The following CDH23 variants were observed in gnomAD, a reference collection of about 807,000 sequenced individuals.
CDH23 encodes cadherin-23.
In CDH23, 189 loss-of-function variants were observed where a neutral mutation model predicts 317.1. The ratio of observed to expected loss-of-function variants is 0.60; its 90% confidence interval spans 0.53 to 0.67. The LOEUF (loss-of-function observed/expected upper bound fraction) is 0.67. CDH23 is among the 30% of genes least tolerant of loss of function. The pLI is 0.00. For synonymous variants in CDH23, 1,839 were observed against 1,876.8 expected (o/e 0.98, Z 0.52); for missense variants, 4,401 against 4,592.4 (o/e 0.96, Z 1.20).
At chr10:71,465,247 G>A (rs1315947613) in intron 3 of CDH23, among the ~76,000 whole-genome samples, 1 of 152,232 alleles carries the variant, frequency 6.6e-6, no homozygotes, top group Non-Finnish European at 1.5e-5. Context: ...GAAGTCTGTT[G>A]CACAGCGCTG....
intron 26 of CDH23, 57 bp downstream of exon 26, chr10:71,707,106 C>G: frequency 1.9e-6 from 3 of 1,566,170 alleles, no homozygotes; most frequent in Non-Finnish European, 2.6e-6. Flanking sequence ...GCCTCCACCC[C>G]TCCCAGATGG....
intron 8 of CDH23, 62 bp downstream of exon 8, chr10:71,570,980 C>T (rs556750057): frequency 2.6e-5 from 41 of 1,585,086 alleles, no homozygotes; most frequent in South Asian, 1.8e-4. Flanking sequence ...TTCTGAGCTC[C>T]TGTTAGGGAT....
chr10:71,730,430 C>T lies in CDH23; in HGVS notation c.3580-39C>T, dbSNP rs1267831080. The T allele has an allele frequency of 3.1e-6, 5 of 1,607,020 alleles. No homozygotes were observed. The Admixed American group carries it at 6.7e-5, about 22-fold the overall frequency. On this transcript the variant is annotated intron_variant, in intron 30 of 69. Coordinates refer to ENST00000224721, the MANE Select transcript of CDH23 (RefSeq NM_022124.6). ...CAAGCCCTGGGCTTCCCAGCCTCCA[C>T]CCCACCCTGACCTTGCACCCCTGGC...
intron 3 of CDH23, among the ~76,000 whole-genome samples, chr10:71,506,920 A>G (rs1433981570): frequency 6.6e-6 from 1 of 152,180 alleles, no homozygotes; most frequent in Non-Finnish European, 1.5e-5. Context: ...AAAGTCCGGG[A>G]AATTACAGGG....
chr10:71,794,734 G>A (rs1408798824), intron 48 of CDH23: 1 of 152,256 alleles, frequency 6.6e-6, no homozygotes, highest in East Asian at 1.9e-4. Context: ...ACTGCTGTAG[G>A]AGTTGTGACT....
At chr10:71,710,042 C>G (rs1473405698) in intron 27 of CDH23, among the ~76,000 whole-genome samples, 2 of 152,060 alleles carry the variant, frequency 1.3e-5, no homozygotes, top group East Asian at 3.9e-4. Flanking sequence ...GAGAAAATGC[C>G]CCCATGATTC....
At chr10:71,599,097 A>G (rs1443835733) in intron 9 of CDH23, among the ~76,000 whole-genome samples, 1 of 152,184 alleles carries the variant, frequency 6.6e-6, no homozygotes, top group Non-Finnish European at 1.5e-5. Context: ...CAAATGTGAA[A>G]TATTAAATAT....
chr10:71,612,138 C>G (rs1589261519), intron 9 of CDH23, among the ~76,000 whole-genome samples: 1 of 152,136 alleles, frequency 6.6e-6, no homozygotes, highest in Non-Finnish European at 1.5e-5. Flanking sequence ...AGGTATAGCT[C>G]TTTCTGGCTG....
intron 6 of CDH23, among the ~76,000 whole-genome samples, chr10:71,528,440 G>A (rs527569729): frequency 1.3e-4 from 20 of 152,364 alleles, no homozygotes; most frequent in Non-Finnish European, 2.6e-4. Flanking sequence ...CTCACCCAGA[G>A]GGCTGAGCAG....
intron 9 of CDH23, among the ~76,000 whole-genome samples, chr10:71,604,609 TCTC>T (rs1860421740): frequency 6.6e-6 from 1 of 152,174 alleles, no homozygotes; most frequent in Admixed American, 6.5e-5. Context: ...ACTCTCTGCT[TCTC>T]CTGCTGGCTC....
chr10:71,734,744 C>T (rs1413796537), intron 34 of CDH23, 86 bp downstream of exon 34: 6 of 869,948 alleles, frequency 6.9e-6, no homozygotes, highest in Admixed American at 3.8e-5. Flanking sequence ...GACCTTCCCA[C>T]CTCTCCCAGA....
chr10:71,408,534 G>A (rs1361588331), intron 1 of CDH23, among the ~76,000 whole-genome samples: 1 of 152,144 alleles, frequency 6.6e-6, no homozygotes, highest in African/African-American at 2.4e-5. Context: ...AGTTACCATG[G>A]GATGGCTACA....
intron 3 of CDH23, among the ~76,000 whole-genome samples, chr10:71,451,945 C>T (rs1358867422): frequency 6.6e-6 from 1 of 152,220 alleles, no homozygotes; most frequent in Non-Finnish European, 1.5e-5. Context: ...GCGCTCCCCT[C>T]CCCAGGGCAT....
intron 14 of CDH23, chr10:71,648,038 T>C (rs1303075329): frequency 6.6e-6 from 1 of 152,242 alleles, no homozygotes; most frequent in Non-Finnish European, 1.5e-5. Flanking sequence ...ACAGATGGTA[T>C]GAAACTGCAC....
intron 3 of CDH23, among the ~76,000 whole-genome samples, chr10:71,475,066 C>T (rs761523657): frequency 6.6e-6 from 1 of 152,212 alleles, no homozygotes; most frequent in Non-Finnish European, 1.5e-5. Context: ...TGACTATTTG[C>T]CCCTCCAGGC....
chr10:71,649,298 C>T (rs1436110906), intron 14 of CDH23, among the ~76,000 whole-genome samples: 7 of 152,330 alleles, frequency 4.6e-5, no homozygotes, highest in Admixed American at 1.3e-4. Context: ...ATTCCTTCTC[C>T]GTGACCTTTT....
intron 38 of CDH23, among the ~76,000 whole-genome samples, chr10:71,756,870 T>A (rs1019015061): frequency 2.0e-5 from 3 of 152,246 alleles, no homozygotes; most frequent in Admixed American, 2.0e-4. Context: ...TTTGTTTTGC[T>A]CTACAATCCG....
intron 1 of CDH23, among the ~76,000 whole-genome samples, chr10:71,424,376 C>T (rs757212687): frequency 2.0e-5 from 3 of 152,224 alleles, no homozygotes; most frequent in East Asian, 1.9e-4. Flanking sequence ...GATATTAACA[C>T]GCGTAAAAAC....
At chr10:71,410,451 G>C (rs557493786) in intron 1 of CDH23, among the ~76,000 whole-genome samples, 1 of 152,292 alleles carries the variant, frequency 6.6e-6, no homozygotes, top group Non-Finnish European at 1.5e-5. Context: ...CATGGCAGGA[G>C]GGCAGGAAGA....
Sources: allele counts gnomAD v4.1 joint callset (sites outside exome capture counted in the v4.1 genomes callset), GRCh38; gene constraint gnomAD v4.1.1; transcripts MANE v1.5; gene names NCBI Gene and HGNC (gene_info 2026-07-23, HGNC 2026-07-21).